SNTG2: variants seen among roughly 807,000 people sequenced by gnomAD.
SNTG2 encodes the protein gamma-2-syntrophin.
A neutral mutation model predicts 70.9 loss-of-function variants in SNTG2; 74 were observed. That is an observed-to-expected ratio of 1.04 (90% CI 0.86 to 1.27). The LOEUF (loss-of-function observed/expected upper bound fraction) is 1.27. Among genes scored for constraint, SNTG2 ranks in the 50% most tolerant of loss-of-function variants. The probability of loss-of-function intolerance (pLI) is 0.00; values close to 1 mark genes in which losing one functional copy is unlikely to be tolerated. For synonymous variants in SNTG2, 278 were observed against 273.8 expected, an observed-to-expected ratio of 1.02 and a Z score of -0.15; for missense variants, 717 against 690.7, an observed-to-expected ratio of 1.04 and a Z score of -0.43.
intron 1 of SNTG2, among the ~76,000 whole-genome samples, chr2:1,015,603 T>A (rs1659866025): frequency 6.6e-6 from 1 of 152,222 alleles, no homozygotes; most frequent in Admixed American, 6.5e-5. Flanking sequence ...CAAGTTCACT[T>A]GTGATTGGAG....
intron 6 of SNTG2, among the ~76,000 whole-genome samples, chr2:1,145,176 C>T (rs546291657): frequency 6.6e-6 from 1 of 151,706 alleles, no homozygotes; most frequent in East Asian, 1.9e-4. Flanking sequence ...TCTAAGCTTT[C>T]CCCTTAGGAA....
chr2:1,034,827 A>G (rs1285084299), intron 1 of SNTG2, among the ~76,000 whole-genome samples: 1 of 152,244 alleles, frequency 6.6e-6, no homozygotes, highest in Non-Finnish European at 1.5e-5. Flanking sequence ...GAAAATTAAC[A>G]AAGACATTAA....
At chr2:1,290,029 T>G (rs1032973693) in intron 14 of SNTG2, among the ~76,000 whole-genome samples, 4 of 152,240 alleles carry the variant, frequency 2.6e-5, no homozygotes, top group Non-Finnish European at 4.4e-5. Flanking sequence ...TATCCGTTCA[T>G]CCTTTGATGG....
intron 1 of SNTG2, among the ~76,000 whole-genome samples, chr2:1,069,908 C>T (rs1323770146): frequency 6.6e-6 from 1 of 152,182 alleles, no homozygotes; most frequent in African/African-American, 2.4e-5. Context: ...CAGCACCTCA[C>T]CCAGGAATCC....
chr2:1,315,154 G>T (rs1274691274), intron 15 of SNTG2, among the ~76,000 whole-genome samples: 2 of 152,210 alleles, frequency 1.3e-5, no homozygotes, highest in Non-Finnish European at 2.9e-5. Context: ...GAACGTGGAA[G>T]AGACAGAGAA....
At chr2:1,244,042 T>A (rs1288965256) in intron 11 of SNTG2, among the ~76,000 whole-genome samples, 1 of 152,028 alleles carries the variant, frequency 6.6e-6, no homozygotes, top group Non-Finnish European at 1.5e-5. Context: ...AGGGTGGTGG[T>A]GGGGGTGGCT....
chr2:1,282,796 CCT>C (rs1425220930), intron 14 of SNTG2, among the ~76,000 whole-genome samples: 7 of 150,776 alleles, frequency 4.6e-5, no homozygotes, highest in African/African-American at 1.7e-4. Context: ...TGCTTCAGTC[CCT>C]GTCTCGTGGC....
intron 1 of SNTG2, among the ~76,000 whole-genome samples, chr2:1,049,062 T>C (rs1661904375): frequency 6.6e-6 from 1 of 152,216 alleles, no homozygotes; most frequent in South Asian, 2.1e-4. Context: ...AGATTTCCTA[T>C]GTACTCCTAG....
chr2:1,296,025 C>G (rs1680196311), intron 14 of SNTG2, among the ~76,000 whole-genome samples: 1 of 151,756 alleles, frequency 6.6e-6, no homozygotes, highest in South Asian at 2.1e-4. Context: ...ATGGCTTTCA[C>G]TGTAGAAGGC....
chr2:987,125 C>T (rs1157873234), intron 1 of SNTG2, among the ~76,000 whole-genome samples: 3 of 152,190 alleles, frequency 2.0e-5, no homozygotes, highest in Non-Finnish European at 4.4e-5. Flanking sequence ...GAAAACATCC[C>T]TGAAGTGGCA....
chr2:1,308,384 G>T (rs1002534699), intron 14 of SNTG2, 110 bp from the exon 15 acceptor site: 2 of 991,176 alleles, frequency 2.0e-6, no homozygotes, highest in Non-Finnish European at 3.0e-6. Flanking sequence ...ACTTGCATAT[G>T]AGAGCATTTT....
intron 8 of SNTG2, among the ~76,000 whole-genome samples, chr2:1,194,798 T>G (rs1572696907): frequency 1.3e-5 from 2 of 152,288 alleles, no homozygotes; most frequent in South Asian, 2.1e-4. Context: ...TACATAGGTA[T>G]ACACGTGCCA....
At chr2:1,134,501 G>A (rs540889958) in intron 4 of SNTG2, among the ~76,000 whole-genome samples, 7 of 151,318 alleles carry the variant, frequency 4.6e-5, no homozygotes, top group South Asian at 2.1e-4. Context: ...ACAGAGTGTC[G>A]ATTGGTGCAT....
At chr2:1,050,896 AGATTT>A (rs1465536657) in intron 1 of SNTG2, among the ~76,000 whole-genome samples, 1 of 152,192 alleles carries the variant, frequency 6.6e-6, no homozygotes, top group Non-Finnish European at 1.5e-5. Flanking sequence ...ATCTTTCATT[AGATTT>A]ATTTCTAGAT....
intron 9 of SNTG2, among the ~76,000 whole-genome samples, chr2:1,231,904 T>C (rs1676277903): frequency 6.6e-6 from 1 of 152,234 alleles, no homozygotes; most frequent in Non-Finnish European, 1.5e-5. Context: ...GGACGCCCTC[T>C]GTGCTGAGGC....
At chr2:1,222,129 C>CTCTCTCTG (rs1675233785) in intron 9 of SNTG2, among the ~76,000 whole-genome samples, 1 of 97,846 alleles carries the variant, frequency 1.0e-5, no homozygotes, top group African/African-American at 3.8e-5. Context: ...CTCTCTGTCT[C>CTCTCTCTG]TCTCTGTCTC....
At chr2:1,295,639 T>A (rs534346951) in intron 14 of SNTG2, among the ~76,000 whole-genome samples, 1 of 151,824 alleles carries the variant, frequency 6.6e-6, no homozygotes, top group African/African-American at 2.4e-5. Context: ...GAGTCTCCCA[T>A]GTTGGGGTAC....
chr2:1,337,090 C>T (rs1659855456), intron 16 of SNTG2, among the ~76,000 whole-genome samples: 1 of 152,088 alleles, frequency 6.6e-6, no homozygotes, highest in Non-Finnish European at 1.5e-5. Flanking sequence ...CCATTATATG[C>T]ATATACCCAA....
chr2:1,235,524 CACGCTGCCCTGAG>C, intron 9 of SNTG2, among the ~76,000 whole-genome samples: 2 of 75,202 alleles, frequency 2.7e-5, no homozygotes, highest in African/African-American at 6.7e-5. Context: ...GCCCCTGCCC[CACGCTGCCCTGAG>C]GTCCCTGCAG....
Sources: allele counts gnomAD v4.1 joint callset (sites outside exome capture counted in the v4.1 genomes callset), GRCh38; gene constraint gnomAD v4.1.1; transcripts MANE v1.5; gene names NCBI Gene and HGNC (gene_info 2026-07-23, HGNC 2026-07-21).